Variants in DLGAP2 observed in about 807,000 individuals in gnomAD.
The protein encoded by DLGAP2 is DLG associated protein 2.
DLGAP2 carries 26 observed loss-of-function variants against 100.3 expected under a neutral mutation model. That is an observed-to-expected ratio of 0.26 (90% CI 0.19 to 0.36). The LOEUF is 0.36. Among genes scored for constraint, DLGAP2 ranks in the 10% least tolerant of loss-of-function variants. The pLI is 1.00. For missense variants in DLGAP2, 1,858 were observed against 1,453.2 expected (o/e 1.28, Z -4.53); for synonymous variants, 886 against 630.1 (o/e 1.41, Z -6.08).
At chr8:859,053 C>T (rs1002860264) in intron 1 of DLGAP2, among the ~76,000 whole-genome samples, 12 of 151,708 alleles carry the variant, frequency 7.9e-5, no homozygotes, top group South Asian at 2.1e-4. Flanking sequence ...AAAAATACAT[C>T]GACATTCTTA....
chr8:1,532,054 GGTTGCATTCTTTTGA>G (rs1379164038), intron 4 of DLGAP2, among the ~76,000 whole-genome samples: 1 of 152,206 alleles, frequency 6.6e-6, no homozygotes, highest in Non-Finnish European at 1.5e-5. Flanking sequence ...AGAGACACAT[GGTTGCATTCTTTTGA>G]GTTTCTGATA....
At chr8:1,076,860 TG>T (rs1269552050) in intron 2 of DLGAP2, among the ~76,000 whole-genome samples, 67 of 110,274 alleles carry the variant, frequency 6.1e-4, no homozygotes, top group African/African-American at 2.2e-3. Flanking sequence ...GAGTCTGTCC[TG>T]GGCCCCCCCA....
At chr8:852,167 A>G (rs1797193858) in intron 1 of DLGAP2, among the ~76,000 whole-genome samples, 1 of 152,056 alleles carries the variant, frequency 6.6e-6, no homozygotes, top group Non-Finnish European at 1.5e-5. Context: ...AAAACATGTC[A>G]AAAACAGTTT....
intron 1 of DLGAP2, among the ~76,000 whole-genome samples, chr8:878,493 AT>A (rs1183721772): frequency 9.2e-5 from 14 of 152,160 alleles, no homozygotes; most frequent in African/African-American, 3.4e-4. Context: ...ATGAGAGAGT[AT>A]ATTTCTAGGA....
At chr8:1,101,644 A>G (rs544442794) in intron 2 of DLGAP2, among the ~76,000 whole-genome samples, 3 of 151,768 alleles carry the variant, frequency 2.0e-5, no homozygotes, top group South Asian at 4.2e-4. Flanking sequence ...ACATGACACG[A>G]CGATGGGAAG....
chr8:1,369,127 A>C (rs1349565836), intron 3 of DLGAP2: 1 of 152,222 alleles, frequency 6.6e-6, no homozygotes. Context: ...GGAATTCCAC[A>C]GTTCTATGTT....
intron 2 of DLGAP2, among the ~76,000 whole-genome samples, chr8:934,915 T>C (rs1285899642): frequency 1.3e-5 from 2 of 152,188 alleles, no homozygotes; most frequent in Non-Finnish European, 2.9e-5. Context: ...TCTGCCTCTT[T>C]AAAGTCTAAA....
At chr8:1,303,402 CAAAAAAAAAAAAAA>C (rs374350701) in intron 3 of DLGAP2, among the ~76,000 whole-genome samples, 1 of 125,308 alleles carries the variant, frequency 8.0e-6, no homozygotes, top group South Asian at 3.0e-4. Flanking sequence ...GTCTCAAAAA[CAAAAAAAAAAAAAA>C]AAAAAAAAAA....
In DLGAP2 at chr8:1,548,434, G is replaced by T. The variant is rs576596760; in HGVS notation, c.173-192G>T. On this transcript the variant is annotated intron_variant, in intron 4 of 14. Coordinates refer to ENST00000637795, the MANE Select transcript of DLGAP2 (RefSeq NM_001346810.2). ...TGATCGCGCCATTGCACTCCAGCCT[G>T]GGCGACAGAGCGAGACTGTCTCAGA... is the stretch of plus-strand genomic sequence containing the variant. Among the ~76,000 whole-genome samples, 3 of 144,194 alleles carry T rather than the reference G, an allele frequency of 2.1e-5. No homozygotes were observed. In the South Asian group the frequency reaches 6.9e-4, roughly 33 times the overall value. The allele number at this position is 144,194 out of a possible 152,430, so 94.6% of individuals were successfully genotyped here.
At chr8:961,391 T>A (rs769430416) in intron 2 of DLGAP2, among the ~76,000 whole-genome samples, 4 of 152,112 alleles carry the variant, frequency 2.6e-5, no homozygotes, top group Non-Finnish European at 2.9e-5. Context: ...ATTTCACCTG[T>A]AACAGAGGGT....
At chr8:1,518,901 C>T (rs994947478) in intron 4 of DLGAP2, among the ~76,000 whole-genome samples, 12 of 152,314 alleles carry the variant, frequency 7.9e-5, no homozygotes, top group South Asian at 4.1e-4. Flanking sequence ...CACATTCTCA[C>T]GCCAGTGCCC....
chr8:1,227,153 G>GATAGATAGATATATATATATATATATAT (rs796173465), intron 2 of DLGAP2, among the ~76,000 whole-genome samples: 6 of 89,710 alleles, frequency 6.7e-5, no homozygotes, highest in East Asian at 4.4e-4. Context: ...GAAACTGTGA[G>GATAGATAGATATATATATATATATATAT]ATATATATAT....
chr8:1,412,745 C>G (rs1796767449), intron 3 of DLGAP2, among the ~76,000 whole-genome samples: 1 of 152,312 alleles, frequency 6.6e-6, no homozygotes, highest in African/African-American at 2.4e-5. Flanking sequence ...CCTCTACAGG[C>G]AAAAGGCAAT....
chr8:1,200,529 T>C (rs938990576), intron 2 of DLGAP2, among the ~76,000 whole-genome samples: 1 of 152,180 alleles, frequency 6.6e-6, no homozygotes, highest in Non-Finnish European at 1.5e-5. Flanking sequence ...CTGATTGTTC[T>C]CTGGTCTGAC....
intron 3 of DLGAP2, among the ~76,000 whole-genome samples, chr8:1,331,243 C>T (rs199809764): frequency 6.6e-6 from 1 of 152,154 alleles, no homozygotes; most frequent in African/African-American, 2.4e-5. Flanking sequence ...TACTGTGTGC[C>T]ATAACTAAGG....
intron 4 of DLGAP2, among the ~76,000 whole-genome samples, chr8:1,520,603 C>T (rs1325722620): frequency 1.3e-5 from 2 of 152,202 alleles, no homozygotes; most frequent in Non-Finnish European, 2.9e-5. Context: ...TCCCTGCCCC[C>T]AACCCCTGGC....
intron 13 of DLGAP2, among the ~76,000 whole-genome samples, chr8:1,695,413 AAG>A (rs1166439710): frequency 7.2e-6 from 1 of 139,650 alleles, no homozygotes; most frequent in Non-Finnish European, 1.5e-5. Flanking sequence ...GCCCTACAGA[AAG>A]AGGGGGCACA....
intron 2 of DLGAP2, among the ~76,000 whole-genome samples, chr8:1,212,872 A>G (rs1181252183): frequency 2.0e-5 from 3 of 150,304 alleles, no homozygotes; most frequent in East Asian, 2.0e-4. Context: ...AAAACATCAC[A>G]TATCTCTTAG....
chr8:1,567,961 C>G (rs77342625), intron 6 of DLGAP2, among the ~76,000 whole-genome samples: 1 of 152,216 alleles, frequency 6.6e-6, no homozygotes, highest in African/African-American at 2.4e-5. Flanking sequence ...GATGTGCTGC[C>G]TACGTTACTC....
Sources: gnomAD v4.1 joint callset for allele counts (sites outside exome capture counted in the v4.1 genomes callset) on GRCh38, gnomAD v4.1.1 for gene constraint, MANE v1.5 for transcripts, NCBI Gene and HGNC (gene_info 2026-07-23, HGNC 2026-07-21) for gene names.